Variants in TP53BP1 observed in about 807,000 individuals in gnomAD.
TP53BP1 encodes the protein tumor protein p53 binding protein 1, also known as TP53-binding protein 1.
Under a neutral mutation model 200.8 loss-of-function variants are expected in TP53BP1, and 61 were observed. The ratio of observed to expected loss-of-function variants is 0.30; its 90% confidence interval spans 0.25 to 0.38. The LOEUF (loss-of-function observed/expected upper bound fraction) is 0.38. TP53BP1 is among the 10% of genes least tolerant of loss of function. The pLI is 1.00. For missense variants in TP53BP1, 2,144 were observed against 2,371.9 expected (o/e 0.90, Z 2.00); for synonymous variants, 822 against 844.3 (o/e 0.97, Z 0.46).
Position 43,493,116 on chromosome 15 carries a change from A to AG in TP53BP1, c.-74dup. 3.1e-6 allele frequency: 5 copies of AG among 1,599,748 alleles called. No individual in the cohort carries two copies. The South Asian group carries it at 5.6e-5, about 18-fold the overall frequency. ...CCCAAGTCCCTCCAGATCGATCCCT[A>AG]GGTCGCCGCTGTCGCCACCGCCGCC... is the stretch of plus-strand genomic sequence containing the variant. On this transcript the variant is annotated 5_prime_UTR_variant, in exon 1 of 28. Transcript: ENST00000382044.
At chr15:43,488,652 G>A (rs939647355) in intron 4 of TP53BP1, among the ~76,000 whole-genome samples, 1 of 152,186 alleles carries the variant, frequency 6.6e-6, no homozygotes, top group Non-Finnish European at 1.5e-5. Context: ...CCAGCACTTT[G>A]GGAGACTGAG....
In TP53BP1 at chr15:43,404,760, G is replaced by A; in HGVS notation, c.*2623C>T. The A allele has an allele frequency of 1.7e-6, 1 of 599,204 alleles. No individual in the cohort carries two copies. Among genetic ancestry groups the A allele is most frequent in the African/African-American group, 1.8e-5 (1 of 54,064 alleles). The allele number at this position is 599,204 out of a possible 1,614,324, so 37.1% of individuals were successfully genotyped here. A position where few individuals can be genotyped will look rare whatever the true frequency, so the allele number is the denominator to read the frequency against. On this transcript the variant is annotated 3_prime_UTR_variant, in exon 28 of 28. Transcript: ENST00000382044. ...ATCATCATAAAATACTAAAAAACCTGACAGTGAGATAGGTGTTAAGTCCTT... is the reference window on the plus strand; with the variant it reads ...ATCATCATAAAATACTAAAAAACCTAACAGTGAGATAGGTGTTAAGTCCTT...
intron 19 of TP53BP1, chr15:43,421,604 G>GA (rs1039557132): frequency 1.7e-6 from 1 of 572,850 alleles, no homozygotes; most frequent in African/African-American, 1.9e-5. Flanking sequence ...ATAAATTCCC[G>GA]AAAGTCCCCT....
chr15:43,453,401 G>A (rs911703172), intron 12 of TP53BP1, among the ~76,000 whole-genome samples: 1 of 151,930 alleles, frequency 6.6e-6, no homozygotes, highest in Non-Finnish European at 1.5e-5. Context: ...CAGTTTTACA[G>A]GAAGAAAAAG....
intron 18 of TP53BP1, among the ~76,000 whole-genome samples, chr15:43,422,765 A>C (rs2045434382): frequency 6.6e-6 from 1 of 152,176 alleles, no homozygotes; most frequent in Admixed American, 6.5e-5. Flanking sequence ...AGGCCAAGGC[A>C]GAAGGACTGC....
chr15:43,414,524 T>C (rs116279879), intron 23 of TP53BP1, among the ~76,000 whole-genome samples: 27 of 152,222 alleles, frequency 1.8e-4, no homozygotes, highest in African/African-American at 6.3e-4. Flanking sequence ...CCTGAGAAAG[T>C]TCCAAAAGGG....
At chr15:43,422,401 T>A (rs1161807040) in intron 18 of TP53BP1, among the ~76,000 whole-genome samples, 1 of 152,220 alleles carries the variant, frequency 6.6e-6, no homozygotes, top group Non-Finnish European at 1.5e-5. Context: ...GGGACTATAC[T>A]GTATCTCAAT....
At chr15:43,422,744 A>G (rs1465635504) in intron 18 of TP53BP1, among the ~76,000 whole-genome samples, 1 of 152,208 alleles carries the variant, frequency 6.6e-6, no homozygotes, top group Non-Finnish European at 1.5e-5. Flanking sequence ...CTGTAATCCC[A>G]GCACTTTGGG....
In TP53BP1 at chr15:43,403,632, C is replaced by A; in HGVS notation, c.*3751G>T. 2 of 1,336,514 alleles carry A rather than the reference C, an allele frequency of 1.5e-6. No homozygotes were observed. The highest frequency in any genetic ancestry group is 2.1e-6 in the Non-Finnish European group (2 of 935,586). 82.8% of individuals were successfully genotyped at this position (1,336,514 alleles called of 1,614,324 possible). On this transcript the variant is annotated 3_prime_UTR_variant, in exon 28 of 28. Coordinates refer to ENST00000382044, the MANE Select transcript of TP53BP1 (RefSeq NM_001141980.3). ...GACTGTTCTCCTAACACTTTAACTT[C>A]ATGGATGTACCTTCCTTCCTTTCCT...
intron 18 of TP53BP1, among the ~76,000 whole-genome samples, chr15:43,426,707 T>A (rs929462007): frequency 2.0e-5 from 3 of 151,254 alleles, no homozygotes; most frequent in African/African-American, 7.3e-5. Context: ...AGTATCTGGG[T>A]AAAGGAAGAA....
intron 8 of TP53BP1, among the ~76,000 whole-genome samples, chr15:43,477,099 G>C (rs1453115598): frequency 6.6e-6 from 1 of 152,094 alleles, no homozygotes; most frequent in Non-Finnish European, 1.5e-5. Flanking sequence ...AGGAGATCAA[G>C]ACCATCATGG....
intron 11 of TP53BP1, among the ~76,000 whole-genome samples, chr15:43,465,130 A>T (rs2140075855): frequency 6.6e-6 from 1 of 152,172 alleles, no homozygotes; most frequent in East Asian, 1.9e-4. Context: ...AGAATAGGCA[A>T]ATCTATAGAG....
chr15:43,489,182 A>T (rs977575355), intron 4 of TP53BP1, among the ~76,000 whole-genome samples: 13 of 152,268 alleles, frequency 8.5e-5, no homozygotes, highest in Admixed American at 7.2e-4. Flanking sequence ...GTTGTAATGG[A>T]ATAGCTACTG....
chr15:43,477,546 G>T lies in TP53BP1; in HGVS notation c.955+47C>A, dbSNP rs760148848. On this transcript the variant is annotated intron_variant, in intron 8 of 27. Transcript: ENST00000382044. ...CAGTAGCCTCAGAACTAAAGTAAAA[G>T]TTTAGATCTTTGGAGAAGAGCTGTA... 9.8e-6 allele frequency: 15 copies of T among 1,530,872 alleles called. No homozygotes were observed. In the African/African-American group the frequency reaches 1.8e-4, roughly 18 times the overall value. 94.8% of individuals were successfully genotyped at this position (1,530,872 alleles called of 1,614,324 possible).
At chr15:43,502,909 C>T (rs1350486414) in intron 1 of TP53BP1, among the ~76,000 whole-genome samples, 2 of 151,936 alleles carry the variant, frequency 1.3e-5, no homozygotes, top group Non-Finnish European at 2.9e-5. Flanking sequence ...CACACCACCA[C>T]CCCCAGCTAA....
chr15:43,482,222 C>A (rs188865345), intron 4 of TP53BP1, among the ~76,000 whole-genome samples: 1 of 151,692 alleles, frequency 6.6e-6, no homozygotes, highest in Admixed American at 6.6e-5. Context: ...GAGCGAGACT[C>A]CACCTCAAAA....
intron 4 of TP53BP1, among the ~76,000 whole-genome samples, chr15:43,487,715 C>T (rs2140144754): frequency 6.6e-6 from 1 of 151,594 alleles, no homozygotes; most frequent in Admixed American, 6.6e-5. Flanking sequence ...ATCACTTAAA[C>T]CCTGGAGTGG....
At chr15:43,483,504 G>A (rs1196412811) in intron 4 of TP53BP1, among the ~76,000 whole-genome samples, 2 of 152,122 alleles carry the variant, frequency 1.3e-5, no homozygotes, top group African/African-American at 4.8e-5. Flanking sequence ...TGGGTGGCAG[G>A]ATTACAGATG....
Position 43,456,730 on chromosome 15 carries a change from A to G in TP53BP1, c.1878T>C (p.Cys626=). The stretch of plus-strand genomic sequence containing the variant: ...ACGGAACTGCCTGACTCCCCGAATC[A>G]CAAGTGAGATCAATACAAACATCTT... ...VAEDVCIDLT[C]DSGSQAVPSP... The change falls in exon 12 of 28, where the codon TGT becomes TGC. Residue 626 remains cysteine (C), a synonymous_variant. Transcript: ENST00000382044. 1 of 1,614,138 alleles carries G rather than the reference A, an allele frequency of 6.2e-7. No individual in the cohort carries two copies. Among genetic ancestry groups the G allele is most frequent in the Non-Finnish European group, 8.5e-7 (1 of 1,180,032 alleles).
Sources: allele counts gnomAD v4.1 joint callset (sites outside exome capture counted in the v4.1 genomes callset), GRCh38; gene constraint gnomAD v4.1.1; transcripts MANE v1.5; gene names NCBI Gene and HGNC (gene_info 2026-07-23, HGNC 2026-07-21).